The following MYH11 variants were observed in gnomAD, a reference collection of about 807,000 sequenced individuals.
The protein encoded by MYH11 is myosin-11.
Under a neutral mutation model 246.6 loss-of-function variants are expected in MYH11, and 80 were observed. The observed-to-expected ratio is 0.32, with a 90% CI of 0.27 to 0.39. The LOEUF is 0.39. Ranked by LOEUF, MYH11 falls within the 10% of genes least tolerant of loss-of-function variation. MYH11 has a pLI of 1.00. For missense variants in MYH11, 2,158 were observed against 2,546.8 expected (o/e 0.85, Z 3.29); for synonymous variants, 1,071 against 1,015.5 (o/e 1.05, Z -1.04).
intron 1 of MYH11, among the ~76,000 whole-genome samples, chr16:15,843,907 C>T (rs2044121725): frequency 6.6e-6 from 1 of 152,002 alleles, no homozygotes; most frequent in African/African-American, 2.4e-5. Flanking sequence ...GGGTCCCCAC[C>T]ACAAGACTGA....
In MYH11 at chr16:15,718,314, C is replaced by G; in HGVS notation, c.5295+1G>C. On this transcript the variant is annotated splice_donor_variant, in intron 37 of 40. Transcript: ENST00000300036. LOFTEE classifies it high-confidence loss of function. ...GACTGTGGTGTCCAGGCGGCCCTCA[C>G]CTGCTGTGTGGCTTTGCGGACCCGG... 1 of 1,609,006 alleles carries G rather than the reference C, an allele frequency of 6.2e-7. No individual in the cohort carries two copies. Among genetic ancestry groups the G allele is most frequent in the Non-Finnish European group, 8.5e-7 (1 of 1,179,982 alleles).
chr16:15,833,381 G>GAGGGAGGAAGGAAGGAAGGAAGGA (rs2043799617), intron 2 of MYH11, among the ~76,000 whole-genome samples: 1 of 136,750 alleles, frequency 7.3e-6, no homozygotes, highest in African/African-American at 2.8e-5. Context: ...GGGAGGGAGG[G>GAGGGAGGAAGGAAGGAAGGAAGGA]AGGGAGGAAG....
chr16:15,708,897 G>T, intron 40 of MYH11: 1 of 1,507,636 alleles, frequency 6.6e-7, no homozygotes, highest in Non-Finnish European at 9.1e-7. Flanking sequence ...AAGGAGCCCG[G>T]TTAAGTATAT....
rs2151340320 is a variant in MYH11, at chr16:15,812,673, G to C, written c.502+10582C>G. Among the ~76,000 whole-genome samples the C allele has an allele frequency of 2.0e-5, 3 of 146,934 alleles. No individual in the cohort carries two copies. The Middle Eastern group carries it at 0.011, about 529-fold the overall frequency. ...GGATCACTTGAGCTCAGGAGTTCAA[G>C]ACCAGCCTGGGCAACATGGTGAAAT... On this transcript the variant is annotated intron_variant, in intron 3 of 40. Transcript: ENST00000300036.
rs150553734 is a variant in MYH11, at chr16:15,807,224, C to T, written c.503-8537G>A. On this transcript the variant is annotated intron_variant, in intron 3 of 40. Coordinates refer to ENST00000300036, the MANE Select transcript of MYH11 (RefSeq NM_002474.3). ...CCCAGGCTGGTCCCAAACTCCTGGC[C>T]TCAAGTGATCCTCCCGCCTTGGCCT... is the stretch of plus-strand genomic sequence containing the variant. Among the ~76,000 whole-genome samples, 4 of 152,252 alleles carry T rather than the reference C, an allele frequency of 2.6e-5. No homozygotes were observed. The East Asian group carries it at 7.7e-4, about 29-fold the overall frequency.
chr16:15,837,873 C>T lies in MYH11; in HGVS notation c.345+35G>A, dbSNP rs201365270. The T allele has an allele frequency of 4.4e-6, 7 of 1,576,280 alleles. No homozygotes were observed. In the South Asian group the frequency reaches 6.6e-5, roughly 15 times the overall value. ...TCTAATGCCTACTTTCCTTATGAGG[C>T]CAGGAGTAGGTACCTGGCTGCCTGC... is the stretch of plus-strand genomic sequence containing the variant. On this transcript the variant is annotated intron_variant, in intron 2 of 40. Transcript: ENST00000300036.
At chr16:15,763,948 G>A (rs2041926060) in intron 9 of MYH11, 57 bp from the exon 10 acceptor site, 2 of 1,433,216 alleles carry the variant, frequency 1.4e-6, no homozygotes, top group Middle Eastern at 2.1e-4. Flanking sequence ...AGGTACCCTG[G>A]AGTTTTGGAG....
At chr16:15,784,638 C>T in intron 5 of MYH11, 3 of 1,590,564 alleles carry the variant, frequency 1.9e-6, no homozygotes, top group South Asian at 1.1e-5. Flanking sequence ...GAGGATCATG[C>T]AGATCTAAGT....
intron 3 of MYH11, among the ~76,000 whole-genome samples, chr16:15,816,489 G>A (rs1347412620): frequency 1.3e-5 from 2 of 152,078 alleles, no homozygotes; most frequent in South Asian, 2.1e-4. Flanking sequence ...ACAAAGCAGT[G>A]CAAAGCTCAG....
At chr16:15,753,292 G>A (rs2041622344) in intron 15 of MYH11, 102 bp downstream of exon 15, 4 of 1,023,032 alleles carry the variant, frequency 3.9e-6, no homozygotes, top group Non-Finnish European at 6.1e-6. Flanking sequence ...CTGCCCCCAT[G>A]TAAAGGCCTC....
chr16:15,768,424 C>T (rs527296400), intron 9 of MYH11, among the ~76,000 whole-genome samples: 13 of 152,234 alleles, frequency 8.5e-5, no homozygotes, highest in Non-Finnish European at 1.5e-4. Flanking sequence ...CTTGGAGCCT[C>T]ATGAAGCTCC....
At chr16:15,739,925 A>G in intron 23 of MYH11, 126 bp downstream of exon 23, 1 of 991,682 alleles carries the variant, frequency 1.0e-6, no homozygotes, top group Non-Finnish European at 1.5e-6. Context: ...TATTTTTAGT[A>G]GAGATGGAGT....
chr16:15,796,162 T>C (rs978964224), intron 4 of MYH11, among the ~76,000 whole-genome samples: 5 of 152,096 alleles, frequency 3.3e-5, no homozygotes, highest in African/African-American at 1.2e-4. Context: ...CATCATACCG[T>C]CCAAGGCAGG....
At chr16:15,723,964 T>G (rs1305645318) in intron 31 of MYH11, among the ~76,000 whole-genome samples, 197 bp downstream of exon 31, 2 of 152,168 alleles carry the variant, frequency 1.3e-5, no homozygotes, top group Admixed American at 1.3e-4. Flanking sequence ...CATCAAGGCT[T>G]CTTTGCCATC....
intron 2 of MYH11, among the ~76,000 whole-genome samples, chr16:15,828,902 G>A (rs950129295): frequency 2.0e-5 from 3 of 151,642 alleles, no homozygotes; most frequent in African/African-American, 7.3e-5. Flanking sequence ...AGAAGGAAGA[G>A]GCCGGGCATG....
intron 8 of MYH11, among the ~76,000 whole-genome samples, chr16:15,772,575 C>G (rs1043480957): frequency 1.5e-4 from 23 of 152,168 alleles, no homozygotes; most frequent in African/African-American, 5.1e-4. Context: ...GCAGTTACCA[C>G]TATCTCTCTG....
chr16:15,850,323 T>C (rs1027393866), intron 1 of MYH11, among the ~76,000 whole-genome samples: 1 of 151,900 alleles, frequency 6.6e-6, no homozygotes, highest in Non-Finnish European at 1.5e-5. Flanking sequence ...AGGTGGAGGG[T>C]GCAGTGAGCT....
At chr16:15,763,741 T>TGGGGG in intron 10 of MYH11, 55 bp downstream of exon 10, 63 of 646,718 alleles carry the variant, frequency 9.7e-5, no homozygotes, top group East Asian at 1.9e-4. Flanking sequence ...AAATGTCACC[T>TGGGGG]CCCCCACCCC....
chr16:15,800,111 G>A (rs538795563), intron 3 of MYH11, among the ~76,000 whole-genome samples: 3 of 151,374 alleles, frequency 2.0e-5, no homozygotes, highest in Non-Finnish European at 4.4e-5. Context: ...TGGATGGGCA[G>A]ATGGGTGGGA....
Sources: gnomAD v4.1 joint callset for allele counts (sites outside exome capture counted in the v4.1 genomes callset) on GRCh38, gnomAD v4.1.1 for gene constraint, MANE v1.5 for transcripts, NCBI Gene and HGNC (gene_info 2026-07-23, HGNC 2026-07-21) for gene names.